Variants in BACH2 observed in about 807,000 individuals in gnomAD.
BACH2 encodes the protein BACH transcriptional regulator 2.
In BACH2, 5 loss-of-function variants were observed where a neutral mutation model predicts 61.8. The observed-to-expected ratio is 0.08, with a 90% confidence interval of 0.04 to 0.17. The LOEUF (loss-of-function observed/expected upper bound fraction) is 0.17, where lower values mean the gene tolerates loss of function less well. Among genes scored for constraint, BACH2 ranks in the 10% least tolerant of loss-of-function variants. The pLI is 1.00. For synonymous variants in BACH2, 446 were observed against 440.1 expected (o/e 1.01, Z -0.17); for missense variants, 824 against 1,091.1 (o/e 0.76, Z 3.45).
intron 3 of BACH2, among the ~76,000 whole-genome samples, chr6:90,236,807 C>G (rs1466002646): frequency 6.6e-6 from 1 of 152,186 alleles, no homozygotes; most frequent in Non-Finnish European, 1.5e-5. Context: ...CACTGTTCAG[C>G]TACTTCTTGA....
intron 3 of BACH2, among the ~76,000 whole-genome samples, chr6:90,211,642 C>G (rs1173844641): frequency 6.8e-6 from 1 of 147,210 alleles, no homozygotes; most frequent in Non-Finnish European, 1.5e-5. Flanking sequence ...GCTCTCCTGA[C>G]CCTTGAAAAT....
rs1408535676 is a variant in BACH2, at chr6:90,080,475, T to C, written c.-13+8486A>G. On this transcript the variant is annotated intron_variant, in intron 5 of 8. Transcript: ENST00000257749. ...ATCTGATATTTAGAGATAACCATCT[T>C]GACGGCAAATAATAAAAACAAAATT... Among the ~76,000 whole-genome samples, 6 of 152,258 alleles carry C rather than the reference T, an allele frequency of 3.9e-5. No homozygotes were observed. In the East Asian group the frequency reaches 1.2e-3, roughly 29 times the overall value.
intron 7 of BACH2, among the ~76,000 whole-genome samples, chr6:89,941,630 AAC>A (rs752014593): frequency 1.6e-4 from 24 of 152,212 alleles, no homozygotes; most frequent in Admixed American, 1.1e-3. Flanking sequence ...TTGGATAACA[AAC>A]ACACTCAGAT....
intron 4 of BACH2, among the ~76,000 whole-genome samples, chr6:90,196,537 C>A (rs1768763204): frequency 6.6e-6 from 1 of 152,102 alleles, no homozygotes; most frequent in Admixed American, 6.6e-5. Context: ...AGACCTCATC[C>A]CAAATGCCGT....
chr6:90,052,574 C>T (rs949058988), intron 5 of BACH2, among the ~76,000 whole-genome samples: 1 of 152,164 alleles, frequency 6.6e-6, no homozygotes, highest in African/African-American at 2.4e-5. Context: ...TGCAGGCCAG[C>T]ATGCCTGGCT....
chr6:89,948,076 A>C (rs572123050), intron 7 of BACH2, among the ~76,000 whole-genome samples: 1 of 152,236 alleles, frequency 6.6e-6, no homozygotes, highest in Non-Finnish European at 1.5e-5. Context: ...TGGCCCCAAG[A>C]CTTTAAGCTC....
chr6:90,127,076 A>C (rs575539163), intron 4 of BACH2, among the ~76,000 whole-genome samples: 1 of 152,318 alleles, frequency 6.6e-6, no homozygotes, highest in South Asian at 2.1e-4. Flanking sequence ...TGACGCTCAA[A>C]ATTAATTCAC....
intron 3 of BACH2, among the ~76,000 whole-genome samples, chr6:90,235,485 T>C (rs1203426300): frequency 1.3e-5 from 2 of 152,152 alleles, no homozygotes; most frequent in Non-Finnish European, 2.9e-5. Context: ...TTGATTACTG[T>C]TAAGGATGTT....
intron 3 of BACH2, among the ~76,000 whole-genome samples, chr6:90,225,618 G>A (rs533033851): frequency 6.6e-6 from 1 of 152,120 alleles, no homozygotes; most frequent in Non-Finnish European, 1.5e-5. Flanking sequence ...CTGTTAGAGG[G>A]GGGTGGGGAG....
chr6:89,934,006 TA>T, intron 8 of BACH2, among the ~76,000 whole-genome samples: 1 of 149,518 alleles, frequency 6.7e-6, no homozygotes, highest in Admixed American at 6.7e-5. Context: ...AAAAGTTTAT[TA>T]AAAAAAAAGA....
At chr6:89,997,029 A>ATG (rs1776886955) in intron 6 of BACH2, among the ~76,000 whole-genome samples, 2 of 151,216 alleles carry the variant, frequency 1.3e-5, no homozygotes, top group Non-Finnish European at 2.9e-5. Flanking sequence ...ACACACACAC[A>ATG]CATGCATGCT....
intron 5 of BACH2, among the ~76,000 whole-genome samples, chr6:90,086,852 T>G (rs1342653230): frequency 6.6e-6 from 1 of 152,200 alleles, no homozygotes; most frequent in African/African-American, 2.4e-5. Context: ...CTGATAACCT[T>G]CCTTCCAGGA....
chr6:90,231,867 C>A (rs999941124), intron 3 of BACH2, among the ~76,000 whole-genome samples: 1 of 152,032 alleles, frequency 6.6e-6, no homozygotes, highest in African/African-American at 2.4e-5. Context: ...TTTAAGAGAG[C>A]CTTGGAGATA....
chr6:90,190,222 C>T (rs754872754), intron 4 of BACH2, among the ~76,000 whole-genome samples: 20 of 152,270 alleles, frequency 1.3e-4, no homozygotes, highest in Middle Eastern at 3.4e-3. Context: ...GGATTATAGG[C>T]GTGAGCCACC....
rs533502023 is a variant in BACH2, at chr6:90,136,307, A to C, written c.-161-47198T>G. The stretch of plus-strand genomic sequence containing the variant: ...TATTAACACTGGTGGCTGCTTTGTG[A>C]ATGTAACATTATGGAAAGAGCCTGG... On this transcript the variant is annotated intron_variant, in intron 4 of 8. Coordinates refer to ENST00000257749, the MANE Select transcript of BACH2 (RefSeq NM_021813.4). 5.3e-5 allele frequency among the ~76,000 whole-genome samples: 8 copies of C among 152,338 alleles called. No homozygotes were observed. In the East Asian group the frequency reaches 1.5e-3, roughly 29 times the overall value.
chr6:90,121,711 A>AT (rs1249638740), intron 4 of BACH2, among the ~76,000 whole-genome samples: 4 of 151,538 alleles, frequency 2.6e-5, no homozygotes, highest in African/African-American at 9.7e-5. Context: ...TACCCAGCTA[A>AT]TTTTTTGTAT....
chr6:90,045,216 G>A (rs1424675543), intron 5 of BACH2, among the ~76,000 whole-genome samples: 1 of 152,190 alleles, frequency 6.6e-6, no homozygotes, highest in East Asian at 1.9e-4. Context: ...TACATGCGCA[G>A]AAAAGCCTGC....
At chr6:90,123,272 C>A (rs2127820485) in intron 4 of BACH2, among the ~76,000 whole-genome samples, 1 of 152,260 alleles carries the variant, frequency 6.6e-6, no homozygotes, top group African/African-American at 2.4e-5. Flanking sequence ...TGAGGAACAC[C>A]TGGAGCCTCC....
intron 3 of BACH2, among the ~76,000 whole-genome samples, chr6:90,242,287 T>C (rs950986951): frequency 6.6e-6 from 1 of 152,260 alleles, no homozygotes; most frequent in Non-Finnish European, 1.5e-5. Flanking sequence ...CTGATCTTTT[T>C]ACTGTCTCTA....
Sources: gnomAD v4.1 joint callset for allele counts (sites outside exome capture counted in the v4.1 genomes callset) on GRCh38, gnomAD v4.1.1 for gene constraint, MANE v1.5 for transcripts, NCBI Gene and HGNC (gene_info 2026-07-23, HGNC 2026-07-21) for gene names.